The following DPYD variants were observed in gnomAD, a reference collection of about 807,000 sequenced individuals.
DPYD encodes dihydropyrimidine dehydrogenase, also known as dihydropyrimidine dehydrogenase [NADP(+)].
In DPYD, 109 loss-of-function variants were observed where a neutral mutation model predicts 116.2. The observed-to-expected ratio is 0.94, with a 90% CI of 0.80 to 1.10. DPYD has a LOEUF of 1.10. DPYD is among the 50% of genes least tolerant of loss of function. DPYD has a pLI of 0.00. For synonymous variants in DPYD, 440 were observed against 432.0 expected (o/e 1.02, Z -0.23); for missense variants, 1,302 against 1,254.5 (o/e 1.04, Z -0.57).
intron 20 of DPYD, among the ~76,000 whole-genome samples, chr1:97,164,095 A>G (rs561645428): frequency 3.0e-4 from 46 of 152,308 alleles, no homozygotes; most frequent in African/African-American, 1.1e-3. Flanking sequence ...AGTAGGCTTT[A>G]TCCCTGGGGT....
Position 97,699,406 on chromosome 1 carries a change from A to G in DPYD, c.625T>C (p.Leu209=). The G allele has an allele frequency of 6.2e-7, 1 of 1,613,684 alleles. No individual in the cohort carries two copies. The part of the protein sequence containing the change: ...SISCASFLAR[L]GYSDITIFEK... Reference sequence around the variant, plus strand: ...AATATAGTGATGTCAGAGTACCCCAATCGAGCCAAAAAGGAAGCACAACTT... The same window carrying G: ...AATATAGTGATGTCAGAGTACCCCAGTCGAGCCAAAAAGGAAGCACAACTT... The change falls in exon 6 of 23, where the codon TTG becomes CTG. Residue 209 remains leucine, a synonymous_variant. Coordinates refer to ENST00000370192, the MANE Select transcript of DPYD (RefSeq NM_000110.4).
intron 19 of DPYD, among the ~76,000 whole-genome samples, chr1:97,222,231 C>G (rs1482147297): frequency 6.6e-6 from 1 of 152,010 alleles, no homozygotes; most frequent in East Asian, 1.9e-4. Context: ...TAGGAACGGA[C>G]AGTAGAAAGG....
intron 13 of DPYD, among the ~76,000 whole-genome samples, chr1:97,502,700 A>C (rs894517033): frequency 2.0e-5 from 3 of 152,040 alleles, no homozygotes; most frequent in African/African-American, 7.2e-5. Context: ...GGGTGGTACC[A>C]GTGGAGATGG....
At chr1:97,901,722 T>G (rs1673378941) in intron 1 of DPYD, among the ~76,000 whole-genome samples, 1 of 151,716 alleles carries the variant, frequency 6.6e-6, no homozygotes, top group African/African-American at 2.4e-5. Flanking sequence ...GCAGCAACAA[T>G]AACAAAAAAC....
chr1:97,326,667 G>A (rs924262619), intron 16 of DPYD, among the ~76,000 whole-genome samples: 3 of 151,956 alleles, frequency 2.0e-5, no homozygotes, highest in Non-Finnish European at 4.4e-5. Flanking sequence ...AGACTGAAAT[G>A]TAAGTAATAG....
intron 8 of DPYD, among the ~76,000 whole-genome samples, chr1:97,601,192 C>T (rs1290961022): frequency 6.6e-6 from 1 of 151,986 alleles, no homozygotes; most frequent in African/African-American, 2.4e-5. Context: ...TTTTAGAATG[C>T]AGACAACCCT....
intron 13 of DPYD, among the ~76,000 whole-genome samples, chr1:97,498,950 C>A (rs1042853524): frequency 6.6e-6 from 1 of 151,426 alleles, no homozygotes; most frequent in East Asian, 1.9e-4. Flanking sequence ...ATAAAGAGTT[C>A]TTCTCTAAGA....
At chr1:97,102,887 G>T (rs1399996177) in intron 20 of DPYD, among the ~76,000 whole-genome samples, 1 of 151,882 alleles carries the variant, frequency 6.6e-6, no homozygotes, top group Non-Finnish European at 1.5e-5. Flanking sequence ...AAAACTGTTT[G>T]AACTCAATAA....
intron 20 of DPYD, among the ~76,000 whole-genome samples, chr1:97,162,118 C>G (rs1655955697): frequency 6.6e-6 from 1 of 151,980 alleles, no homozygotes; most frequent in African/African-American, 2.4e-5. Context: ...AATGGTATTT[C>G]TAGTTCTAGG....
chr1:97,399,269 T>C (rs964913127), intron 14 of DPYD, among the ~76,000 whole-genome samples: 8 of 152,294 alleles, frequency 5.3e-5, no homozygotes, highest in Admixed American at 2.0e-4. Flanking sequence ...ATGTGTGGCA[T>C]TATTTCTGAG....
At chr1:97,729,692 C>G in intron 4 of DPYD, among the ~76,000 whole-genome samples, 1 of 151,760 alleles carries the variant, frequency 6.6e-6, no homozygotes, top group South Asian at 2.1e-4. Context: ...TTATATAGAA[C>G]CTATATAAAT....
chr1:97,488,402 C>G (rs1377926151), intron 13 of DPYD, among the ~76,000 whole-genome samples: 2 of 152,034 alleles, frequency 1.3e-5, no homozygotes, highest in African/African-American at 4.8e-5. Flanking sequence ...GATAAAACTG[C>G]ATATAATTAT....
intron 8 of DPYD, among the ~76,000 whole-genome samples, chr1:97,622,737 A>G (rs976077836): frequency 6.6e-6 from 1 of 152,040 alleles, no homozygotes; most frequent in African/African-American, 2.4e-5. Context: ...CTAAAATAAA[A>G]AAGTTTATTT....
intron 5 of DPYD, among the ~76,000 whole-genome samples, chr1:97,716,143 T>C (rs1177096284): frequency 6.6e-6 from 1 of 152,096 alleles, no homozygotes; most frequent in African/African-American, 2.4e-5. Context: ...CTCATAACAC[T>C]TGACATTTTT....
chr1:97,702,601 C>G (rs143319722), intron 5 of DPYD, among the ~76,000 whole-genome samples: 1 of 151,804 alleles, frequency 6.6e-6, no homozygotes, highest in Admixed American at 6.6e-5. Flanking sequence ...TTTAAATGTA[C>G]TAAGGCTACA....
intron 14 of DPYD, among the ~76,000 whole-genome samples, chr1:97,415,828 G>A (rs1674259183): frequency 6.7e-6 from 1 of 149,998 alleles, no homozygotes; most frequent in African/African-American, 2.4e-5. Flanking sequence ...TACAGGGTAT[G>A]GCTTTTAGGA....
intron 1 of DPYD, among the ~76,000 whole-genome samples, chr1:97,905,917 T>C (rs140372397): frequency 5.7e-4 from 87 of 152,214 alleles, no homozygotes; most frequent in African/African-American, 1.9e-3. Context: ...AGTTCACTAC[T>C]GACTTTAATC....
At chr1:97,619,390 G>A (rs113831506) in intron 8 of DPYD, among the ~76,000 whole-genome samples, 27 of 152,162 alleles carry the variant, frequency 1.8e-4, no homozygotes, top group African/African-American at 6.0e-4. Context: ...TGTTTGATTC[G>A]CTTGTCTTTA....
intron 18 of DPYD, among the ~76,000 whole-genome samples, chr1:97,241,181 T>C (rs1289998234): frequency 1.3e-5 from 2 of 152,034 alleles, no homozygotes; most frequent in Admixed American, 1.3e-4. Context: ...AGTGGATTCA[T>C]ATTAAATAAC....
Sources: allele counts gnomAD v4.1 joint callset (sites outside exome capture counted in the v4.1 genomes callset), GRCh38; gene constraint gnomAD v4.1.1; transcripts MANE v1.5; gene names NCBI Gene and HGNC (gene_info 2026-07-23, HGNC 2026-07-21).